NPHP4: variants seen among roughly 807,000 people sequenced by gnomAD.
NPHP4 encodes nephrocystin-4.
In NPHP4, 151 loss-of-function variants were observed where a neutral mutation model predicts 155.8. The observed-to-expected ratio is 0.97, with a 90% CI of 0.85 to 1.11. The LOEUF (loss-of-function observed/expected upper bound fraction) is 1.11. Ranked by LOEUF, NPHP4 falls within the 50% of genes least tolerant of loss-of-function variation. The pLI is 0.00. For missense variants in NPHP4, 1,956 were observed against 1,925.7 expected, an observed-to-expected ratio of 1.02 and a Z score of -0.29; for synonymous variants, 845 against 816.8, an observed-to-expected ratio of 1.03 and a Z score of -0.59.
intron 13 of NPHP4, 73 bp downstream of exon 13, chr1:5,907,042 G>T: frequency 1.1e-6 from 1 of 884,832 alleles, no homozygotes; most frequent in Non-Finnish European, 1.7e-6. Context: ...CAGGCACAGT[G>T]CAAAAACCCA....
chr1:5,863,849 C>T (rs753206301), intron 29 of NPHP4, 41 bp downstream of exon 29: 6 of 1,608,646 alleles, frequency 3.7e-6, no homozygotes, highest in African/African-American at 1.3e-5. Context: ...TTCAGGTCCC[C>T]GGGTCTTCCC....
At chr1:5,979,438 C>A (rs777716223) in intron 2 of NPHP4, among the ~76,000 whole-genome samples, 1 of 152,112 alleles carries the variant, frequency 6.6e-6, no homozygotes, top group African/African-American at 2.4e-5. Flanking sequence ...GGGAGCCAGG[C>A]AGGAGGAGCA....
intron 11 of NPHP4, among the ~76,000 whole-genome samples, chr1:5,913,151 C>CAAAAAAA (rs34163161): frequency 1.2e-5 from 1 of 81,822 alleles, no homozygotes; most frequent in Admixed American, 1.3e-4. Context: ...GACTCCATCT[C>CAAAAAAA]AAAAAAAAAA....
intron 20 of NPHP4, among the ~76,000 whole-genome samples, chr1:5,875,564 A>T (rs989884505): frequency 6.6e-6 from 1 of 152,236 alleles, no homozygotes; most frequent in Non-Finnish European, 1.5e-5. Context: ...ACACCGGGTC[A>T]GAGTCCAGGC....
chr1:5,893,813 C>T (rs2100970253), intron 16 of NPHP4, among the ~76,000 whole-genome samples: 1 of 152,316 alleles, frequency 6.6e-6, no homozygotes, highest in Non-Finnish European at 1.5e-5. Flanking sequence ...CATGGTCCGC[C>T]TGGCAACGGG....
intron 28 of NPHP4, 25 bp downstream of exon 28, chr1:5,864,313 G>T (rs1332534079): frequency 3.2e-6 from 5 of 1,574,174 alleles, no homozygotes; most frequent in Non-Finnish European, 4.3e-6. Flanking sequence ...CATCCCCTCA[G>T]CCTGTGCCTG....
intron 28 of NPHP4, 46 bp from the exon 29 acceptor site, chr1:5,864,079 C>T: frequency 1.3e-6 from 2 of 1,597,776 alleles, no homozygotes; most frequent in Admixed American, 1.7e-5. Flanking sequence ...CTCACGGGAA[C>T]AGCCACTGGC....
intron 6 of NPHP4, among the ~76,000 whole-genome samples, chr1:5,956,701 G>T (rs1457430934): frequency 6.6e-6 from 1 of 152,212 alleles, no homozygotes; most frequent in Non-Finnish European, 1.5e-5. Context: ...AGCTAGCAAA[G>T]GGCAAACAGA....
intron 2 of NPHP4, among the ~76,000 whole-genome samples, chr1:5,980,853 C>A (rs953934577): frequency 2.3e-4 from 35 of 152,088 alleles, no homozygotes; most frequent in African/African-American, 8.5e-4. Context: ...CACCACGCAC[C>A]GGGGCCTGGC....
intron 6 of NPHP4, among the ~76,000 whole-genome samples, chr1:5,960,367 C>T (rs1481833217): frequency 6.6e-6 from 1 of 152,052 alleles, no homozygotes; most frequent in Non-Finnish European, 1.5e-5. Context: ...AATTAATTAA[C>T]TCAGATAATA....
At chr1:5,891,578 G>C (rs187562255) in intron 16 of NPHP4, among the ~76,000 whole-genome samples, 1 of 152,226 alleles carries the variant, frequency 6.6e-6, no homozygotes, top group Non-Finnish European at 1.5e-5. Flanking sequence ...ACTGGACTGC[G>C]GCCCCTGCCT....
At chr1:5,967,633 A>G (rs1021529946) in intron 4 of NPHP4, among the ~76,000 whole-genome samples, 1 of 152,206 alleles carries the variant, frequency 6.6e-6, no homozygotes, top group African/African-American at 2.4e-5. Flanking sequence ...GAAATTTACA[A>G]AACTCTGAAA....
Position 5,945,430 on chromosome 1 carries a change from T to C in NPHP4, c.1119+1674A>G, listed in dbSNP as rs145031110. Among the ~76,000 whole-genome samples the C allele has an allele frequency of 5.7e-3, 867 of 152,328 alleles. 10 individuals carry two copies. The highest frequency in any genetic ancestry group is 0.019 in the African/African-American group (773 of 41,572). ...AAAGAAAAGCAGAACTGGAACAGTTTCATTAAATGACTGTGACTGTGTCAG... is the reference window on the plus strand; with the variant it reads ...AAAGAAAAGCAGAACTGGAACAGTTCCATTAAATGACTGTGACTGTGTCAG... On this transcript the variant is annotated intron_variant, in intron 9 of 29. Transcript: ENST00000378156.
At chr1:5,874,391 A>C (rs1642331134) in intron 22 of NPHP4, 80 bp downstream of exon 22, 1 of 1,306,036 alleles carries the variant, frequency 7.7e-7, no homozygotes, top group Non-Finnish European at 1.0e-6. Context: ...AGGGAGGGAC[A>C]CTGGTGGAGA....
chr1:5,953,834 C>T (rs1648666628), intron 6 of NPHP4, among the ~76,000 whole-genome samples: 2 of 152,228 alleles, frequency 1.3e-5, no homozygotes, highest in African/African-American at 2.4e-5. Flanking sequence ...CTACACACAC[C>T]TGTGGACTCT....
chr1:5,940,232 G>A (rs1049633919), intron 9 of NPHP4, among the ~76,000 whole-genome samples: 5 of 152,154 alleles, frequency 3.3e-5, no homozygotes, highest in African/African-American at 4.8e-5. Context: ...ATTGTCTCGG[G>A]AATGGGCCTC....
At chr1:5,876,120 G>A (rs1642573702) in intron 20 of NPHP4, 1 of 152,288 alleles carries the variant, frequency 6.6e-6, no homozygotes, top group Non-Finnish European at 1.5e-5. Context: ...GAGAAACAGG[G>A]ATAGGGCTGA....
chr1:5,986,542 C>T (rs1023248317), intron 1 of NPHP4, among the ~76,000 whole-genome samples: 8 of 152,104 alleles, frequency 5.3e-5, no homozygotes, highest in Non-Finnish European at 7.4e-5. Context: ...GAAAAATAAA[C>T]GTAGATATAT....
At chr1:5,869,420 G>A (rs1346915396) in intron 23 of NPHP4, among the ~76,000 whole-genome samples, 2 of 152,182 alleles carry the variant, frequency 1.3e-5, no homozygotes, top group African/African-American at 4.8e-5. Flanking sequence ...GAGAGAGTGG[G>A]GCAGGGCAAG....
Sources: gnomAD v4.1 joint callset for allele counts (sites outside exome capture counted in the v4.1 genomes callset) on GRCh38, gnomAD v4.1.1 for gene constraint, MANE v1.5 for transcripts, NCBI Gene and HGNC (gene_info 2026-07-23, HGNC 2026-07-21) for gene names.